The following CDK5RAP1 variants were observed in gnomAD, a reference collection of about 807,000 sequenced individuals.
CDK5RAP1 encodes CDK5RAP1 mitochondrial tRNA methylthiotransferase.
Under a neutral mutation model 64.5 loss-of-function variants are expected in CDK5RAP1, and 62 were observed. The observed-to-expected ratio is 0.96, with a 90% CI of 0.78 to 1.19. The LOEUF is 1.19. CDK5RAP1 is among the 50% of genes most tolerant of loss of function. CDK5RAP1 has a pLI of 0.00. For missense variants in CDK5RAP1, 657 were observed against 735.0 expected (o/e 0.89, Z 1.23); for synonymous variants, 250 against 261.9 (o/e 0.95, Z 0.44).
chr20:33,381,883 G>A (rs1316266029), intron 7 of CDK5RAP1, among the ~76,000 whole-genome samples: 1 of 152,206 alleles, frequency 6.6e-6, no homozygotes, highest in Non-Finnish European at 1.5e-5. Flanking sequence ...TATACTAAAT[G>A]CAATGTGGAT....
intron 10 of CDK5RAP1, among the ~76,000 whole-genome samples, chr20:33,371,069 G>A (rs186469250): frequency 2.6e-4 from 39 of 152,246 alleles, no homozygotes; most frequent in African/African-American, 7.5e-4. Context: ...CAAGGTGGGC[G>A]GATCACTTGA....
chr20:33,360,320 T>G (rs368981818), intron 13 of CDK5RAP1, 31 bp downstream of exon 13: 4 of 1,607,436 alleles, frequency 2.5e-6, no homozygotes, highest in Admixed American at 3.4e-5. Context: ...CATTTCACAG[T>G]GCAAGCCAAA....
chr20:33,394,024 A>C lies in CDK5RAP1; in HGVS notation c.443+8T>G. On this transcript the variant is annotated splice_region_variant and intron_variant, in intron 4 of 13. Transcript: ENST00000346416. ...ACATTCACTCCTAGGAAAAGAACAA[A>C]TTCGCACCTGATAGAGCATGTGACA... The C allele has an allele frequency of 6.3e-7, 1 of 1,584,684 alleles. No individual in the cohort carries two copies. The highest frequency in any genetic ancestry group is 8.7e-7 in the Non-Finnish European group (1 of 1,153,072).
rs1246292084 is a variant in CDK5RAP1 at position 33,369,928 on chromosome 20, C to T, written c.1392+571G>A. On this transcript the variant is annotated intron_variant, in intron 11 of 13. Transcript: ENST00000346416. ...GTGACTGAGGGAATGAGGAGTGAACCGTGCAAATCCATGCCTACAATCAAG... is the reference window on the plus strand; with the variant it reads ...GTGACTGAGGGAATGAGGAGTGAACTGTGCAAATCCATGCCTACAATCAAG... Among the ~76,000 whole-genome samples, 2 of 152,116 alleles carry T rather than the reference C, an allele frequency of 1.3e-5. 1 individual carries two copies. The highest frequency in any genetic ancestry group is 4.2e-4 in the South Asian group (2 of 4,818).
rs778414873 is a variant in CDK5RAP1, at chr20:33,372,663, G to A, written c.1240C>T (p.His414Tyr). The change falls in exon 10 of 14, where the codon CAT becomes TAT. Residue 414 changes from histidine to tyrosine, a missense_variant. Coordinates refer to ENST00000346416, the MANE Select transcript of CDK5RAP1 (RefSeq NM_016408.4). ...GTACCTGGAATAGATTCTCTAATATGGTGAACTAACTCCACATAAGCTTCT... is the reference window on the plus strand; with the variant it reads ...GTACCTGGAATAGATTCTCTAATATAGTGAACTAACTCCACATAAGCTTCT... ...SREAYVELVH[H>Y]IRESIPGVSL... 6.4e-7 allele frequency: 1 copy of A among 1,567,718 alleles called. No individual in the cohort carries two copies. Among genetic ancestry groups the A allele is most frequent in the Non-Finnish European group, 8.6e-7 (1 of 1,160,196 alleles).
intron 7 of CDK5RAP1, among the ~76,000 whole-genome samples, chr20:33,383,152 G>A (rs1423492479): frequency 6.6e-6 from 1 of 151,994 alleles, no homozygotes; most frequent in Non-Finnish European, 1.5e-5. Flanking sequence ...TTGCACTCCA[G>A]CCTGGGCAAA....
intron 12 of CDK5RAP1, 110 bp downstream of exon 12, chr20:33,366,749 T>G (rs2146595555): frequency 2.0e-6 from 2 of 1,009,768 alleles, no homozygotes; most frequent in African/African-American, 3.3e-5. Context: ...GGAGAATCAC[T>G]TGAGCCCAGC....
intron 11 of CDK5RAP1, among the ~76,000 whole-genome samples, chr20:33,369,717 C>T (rs1357443241): frequency 6.6e-6 from 1 of 152,050 alleles, no homozygotes; most frequent in Non-Finnish European, 1.5e-5. Context: ...GAGTTTGAGA[C>T]CAACCTGGAC....
chr20:33,371,822 G>A (rs1438537014), intron 10 of CDK5RAP1, among the ~76,000 whole-genome samples: 3 of 152,050 alleles, frequency 2.0e-5, no homozygotes, highest in African/African-American at 7.2e-5. Flanking sequence ...GAGGAAAAAT[G>A]TATACACCCT....
intron 12 of CDK5RAP1, among the ~76,000 whole-genome samples, chr20:33,362,425 CT>C (rs1481717784): frequency 4.6e-5 from 7 of 152,088 alleles, no homozygotes; most frequent in Admixed American, 4.6e-4. Context: ...AAATAAAGAT[CT>C]TTTCAGACAA....
At chr20:33,371,904 A>G (rs979650280) in intron 10 of CDK5RAP1, among the ~76,000 whole-genome samples, 1 of 152,236 alleles carries the variant, frequency 6.6e-6, no homozygotes, top group South Asian at 2.1e-4. Context: ...GGAATATGGA[A>G]TAAGATAATA....
intron 12 of CDK5RAP1, among the ~76,000 whole-genome samples, 160 bp from the exon 13 acceptor site, chr20:33,360,651 C>A (rs1319384858): frequency 1.3e-5 from 2 of 152,162 alleles, no homozygotes; most frequent in Non-Finnish European, 2.9e-5. Flanking sequence ...TGCTGCTTCA[C>A]CAGCAAGGGC....
intron 1 of CDK5RAP1, among the ~76,000 whole-genome samples, chr20:33,398,480 T>C: frequency 6.6e-6 from 1 of 151,982 alleles, no homozygotes; most frequent in East Asian, 1.9e-4. Flanking sequence ...GGCAACAGAG[T>C]GAGACTGTCT....
intron 12 of CDK5RAP1, among the ~76,000 whole-genome samples, chr20:33,364,080 G>A (rs1169858786): frequency 2.0e-5 from 3 of 151,712 alleles, no homozygotes; most frequent in Admixed American, 6.6e-5. Flanking sequence ...AGAATATTAA[G>A]ACATTTTTGT....
intron 12 of CDK5RAP1, among the ~76,000 whole-genome samples, chr20:33,361,679 G>T (rs1023904420): frequency 1.2e-5 from 1 of 83,772 alleles, no homozygotes; most frequent in African/African-American, 5.0e-5. Flanking sequence ...TTCTGGCCAG[G>T]CGCAGTGGCT....
chr20:33,376,301 G>A (rs1286397813), intron 8 of CDK5RAP1, among the ~76,000 whole-genome samples: 1 of 151,926 alleles, frequency 6.6e-6, no homozygotes, highest in East Asian at 1.9e-4. Context: ...TCCAGCCTGG[G>A]TGACAGAGCA....
intron 13 of CDK5RAP1, 87 bp from the exon 14 acceptor site, chr20:33,359,210 A>G: frequency 2.0e-6 from 2 of 1,008,392 alleles, no homozygotes; most frequent in Non-Finnish European, 1.5e-6. Context: ...AGAAGCCCCC[A>G]AAAGGAATCT....
Position 33,393,978 on chromosome 20 carries a change from T to A in CDK5RAP1, c.443+54A>T, listed in dbSNP as rs17124675. The A allele has an allele frequency of 1.6e-3, 2,056 of 1,267,708 alleles. 21 individuals are homozygous for A. In the African/African-American group the frequency reaches 0.027, roughly 16 times the overall value. 78.5% of individuals were successfully genotyped at this position (1,267,708 alleles called of 1,614,324 possible). A position where few individuals can be genotyped will look rare whatever the true frequency, so the allele number is the denominator to read the frequency against. On this transcript the variant is annotated intron_variant, in intron 4 of 13. Coordinates refer to ENST00000346416, the MANE Select transcript of CDK5RAP1 (RefSeq NM_016408.4). ...GACAGCCAGGCCAGGCACTGTTAGC[T>A]CTGGCATTATTACATAAAATACATT...
At chr20:33,365,273 T>C (rs1034810873) in intron 12 of CDK5RAP1, among the ~76,000 whole-genome samples, 4 of 151,808 alleles carry the variant, frequency 2.6e-5, no homozygotes, top group African/African-American at 7.3e-5. Flanking sequence ...TTTGTTGTTG[T>C]TTATTTGGGT....
Sources: gnomAD v4.1 joint callset for allele counts (sites outside exome capture counted in the v4.1 genomes callset) on GRCh38, gnomAD v4.1.1 for gene constraint, MANE v1.5 for transcripts, NCBI Gene and HGNC (gene_info 2026-07-23, HGNC 2026-07-21) for gene names.